ACSM3: variants seen among roughly 807,000 people sequenced by gnomAD.
The protein encoded by ACSM3 is acyl-coenzyme A synthetase ACSM3, mitochondrial.
ACSM3 carries 61 observed loss-of-function variants against 74.1 expected under a neutral mutation model. The ratio of observed to expected loss-of-function variants is 0.82; its 90% CI spans 0.67 to 1.02. The LOEUF is 1.02. Ranked by LOEUF, ACSM3 falls within the 50% of genes least tolerant of loss-of-function variation. The probability of loss-of-function intolerance (pLI) is 0.00; values close to 1 mark genes in which losing one functional copy is unlikely to be tolerated. For missense variants in ACSM3, 660 were observed against 697.0 expected, an observed-to-expected ratio of 0.95 and a Z score of 0.60; for synonymous variants, 213 against 241.5, an observed-to-expected ratio of 0.88 and a Z score of 1.09.
At chr16:20,741,737 C>A in intron 1 of ACSM3, 1 of 1,568,152 alleles carries the variant, frequency 6.4e-7, no homozygotes, top group Non-Finnish European at 8.6e-7. Flanking sequence ...CAGGGGCCGC[C>A]ATGGTGTGCG....
intron 7 of ACSM3, among the ~76,000 whole-genome samples, chr16:20,782,830 T>C (rs918396905): frequency 2.6e-5 from 4 of 152,152 alleles, no homozygotes; most frequent in African/African-American, 9.7e-5. Flanking sequence ...ATAAAAGATA[T>C]GATAAAAGTT....
chr16:20,757,566 T>C (rs2080041728), intron 3 of ACSM3, among the ~76,000 whole-genome samples: 2 of 150,304 alleles, frequency 1.3e-5, no homozygotes, highest in African/African-American at 4.9e-5. Flanking sequence ...AGATATACAA[T>C]CATGTCGTCT....
intron 9 of ACSM3, 61 bp downstream of exon 9, chr16:20,786,219 C>A (rs145313870): frequency 3.2e-6 from 5 of 1,557,274 alleles, no homozygotes; most frequent in Middle Eastern, 3.4e-4. Context: ...ACCTACCTAC[C>A]GCTTACCCCC....
intron 1 of ACSM3, among the ~76,000 whole-genome samples, chr16:20,687,536 C>T (rs1208054131): frequency 6.6e-6 from 1 of 151,954 alleles, no homozygotes; most frequent in East Asian, 1.9e-4. Flanking sequence ...TTTTCAAATG[C>T]CTAACTTTCA....
rs182805367 is a variant in ACSM3, at chr16:20,693,119, G to A, written c.-190+18297G>A. Among the ~76,000 whole-genome samples the A allele has an allele frequency of 6.0e-5, 9 of 151,086 alleles. No individual in the cohort carries two copies. The East Asian group carries it at 1.6e-3, about 26-fold the overall frequency. On this transcript the variant is annotated intron_variant, in intron 1 of 3. Transcript: ENST00000561584. ...TGGGAGTCGGAGGTTGCAGTGAGCCGAGATCATGCCACTGCACTGAAGCCT... is the reference window on the plus strand; with the variant it reads ...TGGGAGTCGGAGGTTGCAGTGAGCCAAGATCATGCCACTGCACTGAAGCCT...
At position 20,701,079 on chromosome 16, in the gene ACSM3, A is replaced by T. The variant is rs188858340; in HGVS notation, c.-190+26257A>T. On this transcript the variant is annotated intron_variant, in intron 1 of 3. Coordinates refer to the ACSM3 transcript ENST00000561584. ...ATAAAAAGAATCAAGGATGAATCTC[A>T]GCCTTTGACTTCTTCAATAATATAA... Among the ~76,000 whole-genome samples the T allele has an allele frequency of 2.0e-5, 3 of 152,306 alleles. No homozygotes were observed. The East Asian group carries it at 5.8e-4, about 29-fold the overall frequency.
chr16:20,688,683 A>G (rs1324856694), intron 1 of ACSM3, among the ~76,000 whole-genome samples: 1 of 152,090 alleles, frequency 6.6e-6, no homozygotes, highest in Non-Finnish European at 1.5e-5. Flanking sequence ...AGATTCTTCA[A>G]AAGTAAAGGG....
chr16:20,711,543 G>A (rs1259677629), intron 1 of ACSM3: 24 of 1,426,950 alleles, frequency 1.7e-5, no homozygotes, highest in Non-Finnish European at 2.0e-5. Context: ...AAGCATCCAA[G>A]GCCAAGTGCA....
chr16:20,743,100 G>A (rs2079942726), intron 1 of ACSM3, among the ~76,000 whole-genome samples: 1 of 151,706 alleles, frequency 6.6e-6, no homozygotes, highest in South Asian at 2.1e-4. Flanking sequence ...CACCACGCCC[G>A]GCTAATATTT....
At chr16:20,700,405 T>C (rs1470536097) in intron 1 of ACSM3, among the ~76,000 whole-genome samples, 1 of 151,844 alleles carries the variant, frequency 6.6e-6, no homozygotes, top group Non-Finnish European at 1.5e-5. Context: ...GGCAATATGA[T>C]GGAGAGAGTG....
At chr16:20,685,825 A>AAG (rs2079540200) in intron 1 of ACSM3, among the ~76,000 whole-genome samples, 1 of 119,026 alleles carries the variant, frequency 8.4e-6, no homozygotes, top group Non-Finnish European at 1.9e-5. Flanking sequence ...GTCTCAAAAA[A>AAG]AAAAAACAAA....
At chr16:20,722,514 C>A (rs2152394816) in intron 1 of ACSM3, among the ~76,000 whole-genome samples, 1 of 152,126 alleles carries the variant, frequency 6.6e-6, no homozygotes, top group South Asian at 2.1e-4. Context: ...GAATAATGAG[C>A]CCAGCAAATG....
chr16:20,742,439 C>T (rs1036209769), intron 1 of ACSM3, among the ~76,000 whole-genome samples: 9 of 152,054 alleles, frequency 5.9e-5, no homozygotes, highest in African/African-American at 1.9e-4. Flanking sequence ...AGGCAGATCA[C>T]GAGGTCAGGA....
Position 20,677,226 on chromosome 16 carries a change from T to TAAA in ACSM3, c.-190+2417_-190+2419dup, listed in dbSNP as rs34392148. Among the ~76,000 whole-genome samples the TAAA allele has an allele frequency of 1.2e-4, 15 of 130,078 alleles. No homozygotes were observed. In the South Asian group the frequency reaches 1.4e-3, roughly 12 times the overall value. 85.3% of individuals were successfully genotyped at this position (130,078 alleles called of 152,430 possible). A position where few individuals can be genotyped will look rare whatever the true frequency, so the allele number is the denominator to read the frequency against. On this transcript the variant is annotated intron_variant, in intron 1 of 3. Transcript: ENST00000561584. ...ACCAGGAGAAGACTTTTAAAGAAAT[T>TAAA]AAAAAAAAAAAAAAAGCCTTGACTC...
At chr16:20,727,443 G>A in intron 1 of ACSM3, 1 of 519,386 alleles carries the variant, frequency 1.9e-6, no homozygotes, top group Non-Finnish European at 3.8e-6. Context: ...GGAGCTACAT[G>A]AGAGCTATGG....
chr16:20,784,827 G>A (rs1177456090), intron 7 of ACSM3, among the ~76,000 whole-genome samples, 157 bp from the exon 8 acceptor site: 1 of 152,102 alleles, frequency 6.6e-6, no homozygotes, highest in Non-Finnish European at 1.5e-5. Flanking sequence ...CTTAGTAGTT[G>A]TATATGTTTA....
chr16:20,760,927 G>A (rs150973086), upstream of ACSM3, among the ~76,000 whole-genome samples: 1,402 of 152,162 alleles, frequency 9.2e-3, 25 homozygotes, highest in African/African-American at 0.03. Flanking sequence ...CTTGGCTTCC[G>A]CAACCCCCCA....
At chr16:20,796,532 A>T (rs1471957691) in intron 13 of ACSM3, 43 bp downstream of exon 13, 1 of 1,600,528 alleles carries the variant, frequency 6.2e-7, no homozygotes, top group Admixed American at 1.8e-5. Flanking sequence ...AGTGTTGTGG[A>T]CAATTTCAAG....
chr16:20,716,241 C>T (rs567625560), intron 1 of ACSM3, among the ~76,000 whole-genome samples: 5 of 152,136 alleles, frequency 3.3e-5, no homozygotes, highest in Non-Finnish European at 7.4e-5. Flanking sequence ...TAACTGATAA[C>T]AATATCTAAG....
Sources: gnomAD v4.1 joint callset for allele counts (sites outside exome capture counted in the v4.1 genomes callset) on GRCh38, gnomAD v4.1.1 for gene constraint, MANE v1.5 for transcripts, NCBI Gene and HGNC (gene_info 2026-07-23, HGNC 2026-07-21) for gene names.